DDX19B: variants seen among roughly 807,000 people sequenced by gnomAD.
The protein encoded by DDX19B is ATP-dependent RNA helicase DDX19B.
A neutral mutation model predicts 58.1 loss-of-function variants in DDX19B; 27 were observed. That is an observed-to-expected ratio of 0.46 (90% CI 0.34 to 0.64). The LOEUF (loss-of-function observed/expected upper bound fraction) is 0.64. Among genes scored for constraint, DDX19B ranks in the 30% least tolerant of loss-of-function variants. The pLI, the probability that DDX19B is intolerant of heterozygous loss-of-function variation, is 0.01. For synonymous variants in DDX19B, 187 were observed against 214.4 expected, an observed-to-expected ratio of 0.87 and a Z score of 1.12; for missense variants, 399 against 596.5, an observed-to-expected ratio of 0.67 and a Z score of 3.45.
At chr16:70,316,165 G>A (rs1261733212) in intron 4 of DDX19B, 61 bp downstream of exon 4, 2 of 1,586,942 alleles carry the variant, frequency 1.3e-6, no homozygotes, top group Non-Finnish European at 8.6e-7. Context: ...TCCTAGGTCT[G>A]TTATAGATAT....
At chr16:70,324,362 CAAAAAAAAAAAAAAA>C (rs57977602) in intron 5 of DDX19B, among the ~76,000 whole-genome samples, 1 of 48,854 alleles carries the variant, frequency 2.0e-5, no homozygotes, top group East Asian at 7.1e-4. Context: ...GACCTAATCT[CAAAAAAAAAAAAAAA>C]AAAAAAAAAA....
At chr16:70,299,090 G>C, upstream of DDX19B, 1 of 1,269,156 alleles carries the variant, frequency 7.9e-7, no homozygotes, top group Non-Finnish European at 1.0e-6. Context: ...TGAGGGGTAC[G>C]GGTCTGAGGG....
intron 1 of DDX19B, among the ~76,000 whole-genome samples, chr16:70,301,420 C>G (rs28733806): frequency 0.42 from 64,346 of 151,856 alleles, 13,716 homozygotes; most frequent in Non-Finnish European, 0.43. Context: ...TGAGACCATC[C>G]TGATTCTTGA....
At chr16:70,290,361 C>T (rs1961028521), upstream of DDX19B, among the ~76,000 whole-genome samples, 1 of 152,034 alleles carries the variant, frequency 6.6e-6, no homozygotes, top group African/African-American at 2.4e-5. Flanking sequence ...CATGGTGAAA[C>T]CCCGTCTCTA....
In DDX19B at chr16:70,321,436, G is replaced by T. The variant is rs1962807306; in HGVS notation, c.390-3149G>T. On this transcript the variant is annotated intron_variant, in intron 5 of 11. Coordinates refer to ENST00000288071, the MANE Select transcript of DDX19B (RefSeq NM_007242.7). ...GGCCTAGCCAAGAAGCTCATTTTTA[G>T]ATTGACAGTATTAGAAGAGACCAGC... 2.0e-5 allele frequency among the ~76,000 whole-genome samples: 3 copies of T among 152,112 alleles called. No individual in the cohort carries two copies. In the South Asian group the frequency reaches 6.2e-4, roughly 32 times the overall value.
chr16:70,322,109 G>C (rs925897078), intron 5 of DDX19B, among the ~76,000 whole-genome samples: 3 of 152,164 alleles, frequency 2.0e-5, no homozygotes, highest in Non-Finnish European at 4.4e-5. Flanking sequence ...AATTTGGGAG[G>C]CCAAGGCAGG....
intron 5 of DDX19B, among the ~76,000 whole-genome samples, chr16:70,323,942 C>T (rs1449367182): frequency 6.6e-6 from 1 of 152,024 alleles, no homozygotes; most frequent in Non-Finnish European, 1.5e-5. Flanking sequence ...TATCTGGGGA[C>T]AGTTGTCCCA....
intron 5 of DDX19B, among the ~76,000 whole-genome samples, chr16:70,320,767 C>G (rs1962741399): frequency 6.6e-6 from 1 of 151,316 alleles, no homozygotes; most frequent in South Asian, 2.1e-4. Context: ...CCATGTTGGC[C>G]AGGCTGGTCT....
upstream of DDX19B, chr16:70,294,672 G>T: frequency 2.2e-6 from 1 of 463,524 alleles, no homozygotes; most frequent in Non-Finnish European, 3.8e-6. Flanking sequence ...AGCCCTCTGC[G>T]GGAGGCTTGC....
chr16:70,302,087 C>T (rs1961518538), intron 1 of DDX19B, among the ~76,000 whole-genome samples: 1 of 151,834 alleles, frequency 6.6e-6, no homozygotes, highest in African/African-American at 2.4e-5. Context: ...TGCCTGGCTA[C>T]TTTTTGTATT....
chr16:70,330,129 T>C (rs943432972), intron 9 of DDX19B, 61 bp downstream of exon 9: 10 of 1,588,750 alleles, frequency 6.3e-6, no homozygotes, highest in Non-Finnish European at 6.9e-6. Context: ...CCCACAGGGC[T>C]CAGGAGGACT....
In DDX19B at chr16:70,314,981, A is replaced by G. The variant is rs774309446; in HGVS notation, c.160+26A>G. The G allele has an allele frequency of 4.4e-6, 7 of 1,602,086 alleles. No homozygotes were observed. In the East Asian group the frequency reaches 1.4e-4, roughly 31 times the overall value. On this transcript the variant is annotated intron_variant, in intron 3 of 11. Coordinates refer to ENST00000288071, the MANE Select transcript of DDX19B (RefSeq NM_007242.7). ...GTAACACAGCCGTGGAGCTTTATAT[A>G]ATAACAAGCTTCTACATTCTAAGAA...
chr16:70,317,476 A>C lies in DDX19B; in HGVS notation c.297-20A>C. 6.3e-7 allele frequency: 1 copy of C among 1,595,052 alleles called. No individual in the cohort carries two copies. The highest frequency in any genetic ancestry group is 8.6e-7 in the Non-Finnish European group (1 of 1,165,842). ...CTCAACCAAAGAGACTGTGACTTTCATCTTTAACTGTTTTTCTAGGAAACC... is the reference window on the plus strand; with the variant it reads ...CTCAACCAAAGAGACTGTGACTTTCCTCTTTAACTGTTTTTCTAGGAAACC... On this transcript the variant is annotated intron_variant, in intron 4 of 11. Coordinates refer to ENST00000288071, the MANE Select transcript of DDX19B (RefSeq NM_007242.7).
upstream of DDX19B, chr16:70,294,899 C>T (rs1003359015): frequency 2.6e-6 from 4 of 1,527,314 alleles, no homozygotes; most frequent in African/African-American, 2.8e-5. Context: ...GGTTTCCCAT[C>T]ACCCTGCCTG....
upstream of DDX19B, among the ~76,000 whole-genome samples, chr16:70,291,309 C>T (rs1386384652): frequency 6.6e-6 from 1 of 151,990 alleles, no homozygotes; most frequent in African/African-American, 2.4e-5. Flanking sequence ...TCCACAGTGC[C>T]CTAAATAACA....
At chr16:70,299,037 A>G (rs900991600), upstream of DDX19B, 6 of 855,690 alleles carry the variant, frequency 7.0e-6, no homozygotes, top group Non-Finnish European at 9.4e-6. Context: ...GCATTTTAAG[A>G]TAACTACCTC....
Position 70,334,996 on chromosome 16 carries a change from A to ACGCATCTC in DDX19B, c.*1417_*1424dup, listed in dbSNP as rs1491367443. The ACGCATCTC allele has an allele frequency of 6.6e-6, 1 of 152,172 alleles. No homozygotes were observed. Among genetic ancestry groups the ACGCATCTC allele is most frequent in the African/African-American group, 2.4e-5 (1 of 41,442 alleles). 9.4% of individuals were successfully genotyped at this position (152,172 alleles called of 1,614,324 possible). A position where few individuals can be genotyped will look rare whatever the true frequency, so the allele number is the denominator to read the frequency against. On this transcript the variant is annotated 3_prime_UTR_variant, in exon 12 of 12. Coordinates refer to ENST00000288071, the MANE Select transcript of DDX19B (RefSeq NM_007242.7). ...GATTGTGATCCTAGGTCTTCTTTGT[A>ACGCATCTC]CGCATCTCCGTATTTAGGCCAGATC...
upstream of DDX19B, chr16:70,289,883 T>G (rs1961013282): frequency 1.8e-5 from 7 of 378,908 alleles, 1 homozygote; most frequent in Admixed American, 1.9e-4. Context: ...CATATCTTGC[T>G]ATAGTTGTTT....
intron 1 of DDX19B, among the ~76,000 whole-genome samples, chr16:70,304,753 CTTT>C (rs529949603): frequency 6.7e-6 from 1 of 149,604 alleles, no homozygotes; most frequent in Non-Finnish European, 1.5e-5. Context: ...ATCTTTGTCT[CTTT>C]TTTTTTTCTT....
Sources: allele counts gnomAD v4.1 joint callset (sites outside exome capture counted in the v4.1 genomes callset), GRCh38; gene constraint gnomAD v4.1.1; transcripts MANE v1.5; gene names NCBI Gene and HGNC (gene_info 2026-07-23, HGNC 2026-07-21).